The following XRN2 variants were observed in gnomAD, a reference collection of about 807,000 sequenced individuals.
The protein encoded by XRN2 is DHM1-like protein.
Under a neutral mutation model 138.5 loss-of-function variants are expected in XRN2, and 44 were observed. The observed-to-expected ratio is 0.32, with a 90% CI of 0.25 to 0.41. The LOEUF (loss-of-function observed/expected upper bound fraction) is 0.41. XRN2 is among the 10% of genes least tolerant of loss of function. The pLI, the probability that XRN2 is intolerant of heterozygous loss-of-function variation, is 1.00. For synonymous variants in XRN2, 354 were observed against 369.4 expected, an observed-to-expected ratio of 0.96 and a Z score of 0.48; for missense variants, 937 against 1,169.3, an observed-to-expected ratio of 0.80 and a Z score of 2.90.
intron 1 of XRN2, among the ~76,000 whole-genome samples, chr20:21,325,209 C>T (rs1228686167): frequency 6.6e-6 from 1 of 152,064 alleles, no homozygotes; most frequent in African/African-American, 2.4e-5. Flanking sequence ...TTTATATGTG[C>T]TTGAGGAACT....
intron 29 of XRN2, 111 bp downstream of exon 29, chr20:21,387,117 T>G (rs2122377156): frequency 7.1e-7 from 1 of 1,411,338 alleles, no homozygotes; most frequent in Non-Finnish European, 9.5e-7. Flanking sequence ...ATAGAGTAGC[T>G]TAGAGTAGCT....
At chr20:21,368,981 G>T (rs940992049) in intron 27 of XRN2, among the ~76,000 whole-genome samples, 5 of 151,956 alleles carry the variant, frequency 3.3e-5, no homozygotes, top group Non-Finnish European at 5.9e-5. Flanking sequence ...ATCCTGCTGT[G>T]CTATCAAATA....
intron 1 of XRN2, among the ~76,000 whole-genome samples, chr20:21,313,530 T>G (rs1219584545): frequency 6.6e-6 from 1 of 152,228 alleles, no homozygotes; most frequent in African/African-American, 2.4e-5. Flanking sequence ...TTGTGTGGAT[T>G]AGATGTATTA....
chr20:21,347,941 A>G (rs2038458657), intron 17 of XRN2, among the ~76,000 whole-genome samples: 1 of 152,242 alleles, frequency 6.6e-6, no homozygotes, highest in Non-Finnish European at 1.5e-5. Flanking sequence ...TTTAAAGTCA[A>G]AGAGCCATTG....
intron 26 of XRN2, among the ~76,000 whole-genome samples, chr20:21,367,066 C>T (rs557778853): frequency 2.8e-4 from 42 of 152,176 alleles, no homozygotes; most frequent in African/African-American, 9.9e-4. Flanking sequence ...TTTTTGTTTG[C>T]CCAGTGCTTG....
intron 27 of XRN2, among the ~76,000 whole-genome samples, chr20:21,375,937 C>A (rs755240799): frequency 1.1e-4 from 17 of 151,950 alleles, no homozygotes; most frequent in Admixed American, 2.0e-4. Flanking sequence ...CTCCCGGGTT[C>A]ATGCCATTCT....
At chr20:21,316,890 T>C (rs2037966769) in intron 1 of XRN2, among the ~76,000 whole-genome samples, 1 of 152,224 alleles carries the variant, frequency 6.6e-6, no homozygotes, top group Non-Finnish European at 1.5e-5. Context: ...GTGAGAATGT[T>C]TTAACTTTAT....
At chr20:21,370,153 A>G (rs1308745529) in intron 27 of XRN2, among the ~76,000 whole-genome samples, 1 of 152,112 alleles carries the variant, frequency 6.6e-6, no homozygotes, top group Non-Finnish European at 1.5e-5. Context: ...TTTGTCGAAA[A>G]TGAGTTCACT....
intron 1 of XRN2, among the ~76,000 whole-genome samples, chr20:21,315,505 T>C (rs948727231): frequency 5.9e-5 from 9 of 152,216 alleles, no homozygotes; most frequent in South Asian, 4.1e-4. Context: ...TTCCCCCTTT[T>C]TTTTGAGACA....
intron 1 of XRN2, among the ~76,000 whole-genome samples, chr20:21,323,969 G>A (rs1281577177): frequency 6.6e-6 from 1 of 152,106 alleles, no homozygotes; most frequent in African/African-American, 2.4e-5. Flanking sequence ...TTTTCCTGGA[G>A]GGCACAAAGA....
chr20:21,349,797 A>G (rs936522224), intron 20 of XRN2, among the ~76,000 whole-genome samples: 4 of 152,226 alleles, frequency 2.6e-5, no homozygotes, highest in Non-Finnish European at 4.4e-5. Flanking sequence ...TTTGAGAATT[A>G]TATGTGAAAT....
At position 21,304,322 on chromosome 20, in the gene XRN2, T is replaced by TG. The variant is rs1158807018; in HGVS notation, c.75+850dup. Among the ~76,000 whole-genome samples, 4 of 152,108 alleles carry TG rather than the reference T, an allele frequency of 2.6e-5. No homozygotes were observed. In the East Asian group the frequency reaches 7.7e-4, roughly 29 times the overall value. The stretch of plus-strand genomic sequence containing the variant: ...CTCCTTAGTTTTTGAAGGCAGTGCT[T>TG]GCCTGTCACTGTGAACTTATTTCTG... On this transcript the variant is annotated intron_variant, in intron 1 of 29. Coordinates refer to ENST00000377191, the MANE Select transcript of XRN2 (RefSeq NM_012255.5).
chr20:21,350,233 A>C (rs2038488473), intron 20 of XRN2, among the ~76,000 whole-genome samples: 1 of 152,182 alleles, frequency 6.6e-6, no homozygotes, highest in Non-Finnish European at 1.5e-5. Flanking sequence ...AAATACAATA[A>C]AGAAATATCT....
At chr20:21,327,402 C>T (rs1424294740) in intron 3 of XRN2, among the ~76,000 whole-genome samples, 2 of 152,150 alleles carry the variant, frequency 1.3e-5, no homozygotes, top group African/African-American at 4.8e-5. Flanking sequence ...AATTTTAGTG[C>T]ATCCTAGCGG....
intron 1 of XRN2, among the ~76,000 whole-genome samples, chr20:21,321,385 T>A (rs2038042634): frequency 6.7e-6 from 1 of 150,200 alleles, no homozygotes; most frequent in Non-Finnish European, 1.5e-5. Context: ...TATAGTGCAG[T>A]AGTGGCACAA....
intron 20 of XRN2, among the ~76,000 whole-genome samples, chr20:21,354,432 G>GT (rs1281069029): frequency 3.3e-5 from 5 of 152,184 alleles, no homozygotes; most frequent in African/African-American, 1.2e-4. Context: ...CCTAGGGAGA[G>GT]TAACTGGCTT....
At chr20:21,318,980 T>C (rs1299542244) in intron 1 of XRN2, among the ~76,000 whole-genome samples, 2 of 152,166 alleles carry the variant, frequency 1.3e-5, no homozygotes, top group African/African-American at 4.8e-5. Flanking sequence ...TTTTGTTCTA[T>C]TATTGAAGGG....
At chr20:21,367,605 G>T (rs1014426822) in intron 26 of XRN2, among the ~76,000 whole-genome samples, 3 of 151,786 alleles carry the variant, frequency 2.0e-5, no homozygotes, top group Non-Finnish European at 4.4e-5. Context: ...GGTGGAGACA[G>T]TAATTATACC....
At chr20:21,367,330 T>G (rs751515983) in intron 26 of XRN2, among the ~76,000 whole-genome samples, 1 of 152,182 alleles carries the variant, frequency 6.6e-6, no homozygotes, top group Non-Finnish European at 1.5e-5. Context: ...GAGTTAGGAT[T>G]CATGCATTAA....
Sources: allele counts gnomAD v4.1 joint callset (sites outside exome capture counted in the v4.1 genomes callset), GRCh38; gene constraint gnomAD v4.1.1; transcripts MANE v1.5; gene names NCBI Gene and HGNC (gene_info 2026-07-23, HGNC 2026-07-21).